Variants in GPHN observed in about 807,000 individuals in gnomAD.
GPHN encodes gephyrin.
GPHN carries 17 observed loss-of-function variants against 95.5 expected under a neutral mutation model. The observed-to-expected ratio is 0.18, with a 90% CI of 0.12 to 0.27. The LOEUF is 0.27. Among genes scored for constraint, GPHN ranks in the 10% least tolerant of loss-of-function variants. The probability of loss-of-function intolerance (pLI) is 1.00; values close to 1 mark genes in which losing one functional copy is unlikely to be tolerated. For synonymous variants in GPHN, 320 were observed against 322.5 expected, an observed-to-expected ratio of 0.99 and a Z score of 0.08; for missense variants, 660 against 978.1, an observed-to-expected ratio of 0.67 and a Z score of 4.34.
intron 11 of GPHN, among the ~76,000 whole-genome samples, chr14:67,070,722 A>G (rs534199085): frequency 1.4e-5 from 2 of 142,042 alleles, no homozygotes; most frequent in South Asian, 4.5e-4. Context: ...AAAAATATAT[A>G]TATATATCCA....
chr14:67,367,528 C>T, the GPHN span, among the ~76,000 whole-genome samples: 7 of 152,380 alleles, frequency 4.6e-5, no homozygotes, highest in African/African-American at 1.2e-4. Context: ...CACGCCCCAC[C>T]CCATCCAGGT....
At chr14:66,968,246 C>A (rs1041237330) in intron 9 of GPHN, among the ~76,000 whole-genome samples, 3 of 151,418 alleles carry the variant, frequency 2.0e-5, no homozygotes, top group Admixed American at 6.6e-5. Flanking sequence ...TTAACTATAC[C>A]AAGGAATAAA....
chr14:66,989,202 C>G (rs1288215407), intron 9 of GPHN, among the ~76,000 whole-genome samples: 1 of 151,854 alleles, frequency 6.6e-6, no homozygotes, highest in Non-Finnish European at 1.5e-5. Flanking sequence ...ATTTTGAAAA[C>G]CATCCATAAT....
intron 10 of GPHN, among the ~76,000 whole-genome samples, chr14:67,038,720 C>T (rs545913369): frequency 3.9e-4 from 60 of 152,258 alleles, no homozygotes; most frequent in Middle Eastern, 3.4e-3. Context: ...CCTTTGATGT[C>T]CTGCTGGCAT....
At chr14:67,573,858 G>A in the GPHN span, 1 of 1,613,696 alleles carries the variant, frequency 6.2e-7, no homozygotes, top group Non-Finnish European at 8.5e-7. The surrounding 1 kb of genome is among the most constrained non-coding windows in gnomAD (Gnocchi z 4.8). Flanking sequence ...CTGCCAAATT[G>A]TTCGAGGGGA....
rs551182919 is a variant in GPHN, at chr14:67,068,141, C to A, written c.1144+9355C>A. ...AGACAAATAGTTATGGTTACAACAA[C>A]TGGAACCCGGGATCCTTAACTCCCA... On this transcript the variant is annotated intron_variant, in intron 11 of 22. Transcript: ENST00000478722. Among the ~76,000 whole-genome samples, 3 of 152,334 alleles carry A rather than the reference C, an allele frequency of 2.0e-5. No individual in the cohort carries two copies. The East Asian group carries it at 5.8e-4, about 29-fold the overall frequency.
chr14:67,304,141 G>C, the GPHN span: 2 of 153,320 alleles, frequency 1.3e-5, no homozygotes, highest in African/African-American at 2.4e-5. Flanking sequence ...TTATAGGTGG[G>C]TTTACTTAAC....
At chr14:66,890,112 A>G (rs1177203419) in intron 5 of GPHN, among the ~76,000 whole-genome samples, 8 of 152,172 alleles carry the variant, frequency 5.3e-5, no homozygotes, top group Non-Finnish European at 1.2e-4. Flanking sequence ...AGAATGACTC[A>G]GAAATTAACA....
chr14:67,584,050 C>T, the GPHN span: 2 of 1,613,864 alleles, frequency 1.2e-6, no homozygotes, highest in South Asian at 1.1e-5. Flanking sequence ...ATGCTCCCCT[C>T]CTGAGTGCAT....
At chr14:67,350,760 T>G in the GPHN span, 12 of 1,364,258 alleles carry the variant, frequency 8.8e-6, no homozygotes, top group South Asian at 1.2e-5. Context: ...CATAATTATG[T>G]TCCTTTAATA....
chr14:66,563,763 T>A (rs924738661), intron 1 of GPHN, among the ~76,000 whole-genome samples: 1 of 152,196 alleles, frequency 6.6e-6, no homozygotes, highest in Non-Finnish European at 1.5e-5. Flanking sequence ...TTTTTATTTT[T>A]ATTTTTTTTC....
intron 18 of GPHN, among the ~76,000 whole-genome samples, chr14:67,159,190 A>G (rs2081815178): frequency 6.6e-6 from 1 of 152,190 alleles, no homozygotes; most frequent in African/African-American, 2.4e-5. Context: ...CCCCCTACAC[A>G]TAGACTGGTA....
chr14:67,392,905 G>A, the GPHN span: 1 of 1,442,754 alleles, frequency 6.9e-7, no homozygotes. Flanking sequence ...TCCTTGGGGT[G>A]TGTGGCCAAT....
intron 9 of GPHN, among the ~76,000 whole-genome samples, chr14:66,978,577 G>T (rs1330978180): frequency 6.6e-6 from 1 of 152,008 alleles, no homozygotes; most frequent in Non-Finnish European, 1.5e-5. Context: ...GCAACTTCAG[G>T]CTCCCCTTCT....
the GPHN span, among the ~76,000 whole-genome samples, chr14:67,617,671 C>G: frequency 6.6e-6 from 1 of 152,280 alleles, no homozygotes; most frequent in South Asian, 2.1e-4. Context: ...TTGGAAAGGT[C>G]GGTCTGGTGA....
the GPHN span, among the ~76,000 whole-genome samples, chr14:67,410,733 C>T: frequency 6.6e-6 from 1 of 152,204 alleles, no homozygotes; most frequent in Admixed American, 6.5e-5. Context: ...GCCCCTCATC[C>T]CTCTTCATTC....
At position 66,917,231 on chromosome 14, in the gene GPHN, A is replaced by C. The variant is rs77170665; in HGVS notation, c.456+1162A>C. Among the ~76,000 whole-genome samples, 12 of 152,292 alleles carry C rather than the reference A, an allele frequency of 7.9e-5. No homozygotes were observed. The East Asian group carries it at 2.3e-3, about 29-fold the overall frequency. On this transcript the variant is annotated intron_variant, in intron 6 of 22. Transcript: ENST00000478722. ...AATACACTTAGCCATAACCTAAAAA[A>C]TAAAAGTCAAAAGATACTGGCACGT...
chr14:66,797,021 CT>C (rs369681377), intron 3 of GPHN, among the ~76,000 whole-genome samples: 1,134 of 81,198 alleles, frequency 0.014, no homozygotes, highest in East Asian at 0.033. Flanking sequence ...TATCTAGTTC[CT>C]TTTTTTTTTT....
chr14:67,640,483 T>C, the GPHN span, among the ~76,000 whole-genome samples: 4 of 152,220 alleles, frequency 2.6e-5, no homozygotes, highest in African/African-American at 9.6e-5. Flanking sequence ...GCTCCTCAAA[T>C]TTTTATATTT....
Sources: allele counts gnomAD v4.1 joint callset (sites outside exome capture counted in the v4.1 genomes callset), GRCh38; gene constraint gnomAD v4.1.1; non-coding constraint Gnocchi (gnomAD v3.1); transcripts MANE v1.5; gene names NCBI Gene and HGNC (gene_info 2026-07-23, HGNC 2026-07-21).